Variants in HADHB observed in about 807,000 individuals in gnomAD.
HADHB encodes trifunctional enzyme subunit beta, mitochondrial.
A neutral mutation model predicts 61.9 loss-of-function variants in HADHB; 50 were observed. The observed-to-expected ratio is 0.81, with a 90% CI of 0.64 to 1.02. The LOEUF is 1.02. HADHB is among the 50% of genes least tolerant of loss of function. The probability of loss-of-function intolerance (pLI) is 0.00; values close to 1 mark genes in which losing one functional copy is unlikely to be tolerated. For missense variants in HADHB, 504 were observed against 586.5 expected, an observed-to-expected ratio of 0.86 and a Z score of 1.45; for synonymous variants, 191 against 201.6, an observed-to-expected ratio of 0.95 and a Z score of 0.45.
intron 3 of HADHB, among the ~76,000 whole-genome samples, chr2:26,256,624 T>C (rs1671623963): frequency 6.6e-6 from 1 of 152,088 alleles, no homozygotes; most frequent in Non-Finnish European, 1.5e-5. Context: ...TTTTAAAGAG[T>C]ATACAATGTA....
At chr2:26,252,189 A>G (rs1389102934) in intron 1 of HADHB, among the ~76,000 whole-genome samples, 1 of 152,204 alleles carries the variant, frequency 6.6e-6, no homozygotes, top group African/African-American at 2.4e-5. Flanking sequence ...TATCTCTTAT[A>G]GCCTATCTCA....
chr2:26,289,265 A>T (rs1006592135), intron 15 of HADHB, among the ~76,000 whole-genome samples: 5 of 152,216 alleles, frequency 3.3e-5, no homozygotes, highest in African/African-American at 1.2e-4. Flanking sequence ...ATAAATAAAA[A>T]AAATAAAAAA....
At chr2:26,254,220 G>A in intron 1 of HADHB, 27 bp from the exon 2 acceptor site, 1 of 995,264 alleles carries the variant, frequency 1.0e-6, no homozygotes, top group Non-Finnish European at 1.6e-6. Context: ...GCTAATCCAG[G>A]ATATACTTTT....
chr2:26,282,873 T>C lies in HADHB; in HGVS notation c.962T>C (p.Met321Thr), dbSNP rs750973091. 1.9e-6 allele frequency: 3 copies of C among 1,613,240 alleles called. No homozygotes were observed. The highest frequency in any genetic ancestry group is 2.2e-5 in the South Asian group (2 of 91,062). The stretch of plus-strand genomic sequence containing the variant: ...GATGGTGCATCTGCAATGTTAATCA[T>C]GGCGGAGGAAAAGGCTCTGGCCATG... ...LTDGASAMLI[M>T]AEEKALAMGY... The change falls in exon 11 of 16, where the codon ATG (methionine) becomes ACG (threonine). Residue 321 changes from methionine (M) to threonine (T), a missense_variant. Met to Thr is a moderately conservative substitution (Grantham distance 81). Coordinates refer to ENST00000317799, the MANE Select transcript of HADHB (RefSeq NM_000183.3).
chr2:26,266,291 A>C (rs1672073896), intron 4 of HADHB, among the ~76,000 whole-genome samples: 2 of 152,090 alleles, frequency 1.3e-5, no homozygotes, highest in Admixed American at 1.3e-4. Flanking sequence ...AAAAAAATTA[A>C]TAATAATAAC....
intron 6 of HADHB, among the ~76,000 whole-genome samples, chr2:26,275,017 T>C (rs895632225): frequency 2.0e-5 from 3 of 152,204 alleles, no homozygotes; most frequent in Non-Finnish European, 4.4e-5. Context: ...CAGCTATTGA[T>C]TGACAGGAGG....
chr2:26,284,032 T>G, intron 12 of HADHB, 85 bp from the exon 13 acceptor site: 1 of 761,664 alleles, frequency 1.3e-6, no homozygotes, highest in Non-Finnish European at 2.4e-6. Flanking sequence ...TTAGAGTACC[T>G]ATGTAAAACT....
chr2:26,284,290 ATGATG>A, intron 13 of HADHB, 86 bp downstream of exon 13: 1 of 817,748 alleles, frequency 1.2e-6, no homozygotes, highest in South Asian at 1.3e-5. Context: ...GGCATGGTTT[ATGATG>A]TGAGTAGAGC....
chr2:26,285,205 A>G (rs1672976240), intron 14 of HADHB, among the ~76,000 whole-genome samples: 1 of 152,172 alleles, frequency 6.6e-6, no homozygotes, highest in Admixed American at 6.5e-5. Context: ...TGTTCCTTGC[A>G]TTCTGACATT....
chr2:26,271,960 C>T (rs1349389201), intron 5 of HADHB, among the ~76,000 whole-genome samples: 4 of 152,076 alleles, frequency 2.6e-5, no homozygotes, highest in Admixed American at 2.0e-4. Flanking sequence ...CTCACTCTGT[C>T]CAAGGCTGGA....
intron 3 of HADHB, among the ~76,000 whole-genome samples, chr2:26,258,509 C>T (rs1574646093): frequency 6.6e-6 from 1 of 152,164 alleles, no homozygotes; most frequent in Non-Finnish European, 1.5e-5. Context: ...CTGGGTGCCT[C>T]GCTGGATCAG....
intron 5 of HADHB, among the ~76,000 whole-genome samples, chr2:26,273,341 T>C (rs1174573674): frequency 6.6e-6 from 1 of 152,144 alleles, no homozygotes; most frequent in South Asian, 2.1e-4. Context: ...ACTGCAAACT[T>C]TGGTTTCTAC....
intron 3 of HADHB, among the ~76,000 whole-genome samples, chr2:26,258,831 T>C (rs1671745200): frequency 6.6e-6 from 1 of 151,932 alleles, no homozygotes; most frequent in African/African-American, 2.4e-5. Flanking sequence ...TGAGTATTTC[T>C]TTACCTCCTG....
Position 26,269,201 on chromosome 2 carries a change from C to T in HADHB, c.210-752C>T, listed in dbSNP as rs151137721. Among the ~76,000 whole-genome samples the T allele has an allele frequency of 4.9e-3, 742 of 151,414 alleles. 9 individuals carry two copies. The highest frequency in any genetic ancestry group is 0.017 in the African/African-American group (714 of 41,284). ...AAAGAGGAACTCTGCTCTCTTTTTC[C>T]AATTCTTATTTATGTATTTACACAG... is the stretch of plus-strand genomic sequence containing the variant. On this transcript the variant is annotated intron_variant, in intron 4 of 15. Transcript: ENST00000317799.
chr2:26,285,541 C>A lies in HADHB; in HGVS notation c.1359C>A (p.Gly453=). The change falls in exon 15 of 16, where the codon GGC becomes GGA. Residue 453 remains glycine, a synonymous_variant. Coordinates refer to ENST00000317799, the MANE Select transcript of HADHB (RefSeq NM_000183.3). ...TACGGAAAGAAGGAGGCCAGTATGG[C>A]TTAGTGGCTGCGTGTGCAGCTGGAG... ...NRLRKEGGQY[G]LVAACAAGGQ... is the part of the protein sequence containing the mutation. 1.2e-6 allele frequency: 2 copies of A among 1,613,926 alleles called. No homozygotes were observed. The highest frequency in any genetic ancestry group is 1.7e-6 in the Non-Finnish European group (2 of 1,179,942).
rs758459657 is a variant in HADHB, at chr2:26,285,503, G to A, written c.1321G>A (p.Ala441Thr). ...CACTGGCTGCAGGTTGGTCATGGCT[G>A]CTGCCAACAGATTACGGAAAGAAGG... ...GATGCRLVMA[A>T]ANRLRKEGGQ... The change falls in exon 15 of 16, where the codon GCT (alanine) becomes ACT (threonine). Residue 441 changes from alanine to threonine, a missense_variant. Transcript: ENST00000317799. The A allele has an allele frequency of 9.9e-6, 16 of 1,613,860 alleles. No individual in the cohort carries two copies. Among genetic ancestry groups the A allele is most frequent in the Admixed American group, 1.7e-5 (1 of 59,986 alleles).
chr2:26,284,253 G>A, intron 13 of HADHB, 49 bp downstream of exon 13: 2 of 1,005,170 alleles, frequency 2.0e-6, no homozygotes, highest in African/African-American at 1.6e-5. Context: ...CATAAAAAAT[G>A]TCATCCATAT....
intron 3 of HADHB, among the ~76,000 whole-genome samples, chr2:26,255,441 G>T (rs1385588982): frequency 6.6e-6 from 1 of 151,278 alleles, no homozygotes; most frequent in Non-Finnish European, 1.5e-5. Flanking sequence ...GGAGCTTGCA[G>T]TGAGCCGAGG....
At chr2:26,256,344 T>C (rs1393064159) in intron 3 of HADHB, among the ~76,000 whole-genome samples, 1 of 152,206 alleles carries the variant, frequency 6.6e-6, no homozygotes, top group East Asian at 1.9e-4. Context: ...TTATAACTAA[T>C]TCCTCTTGAA....
Sources: gnomAD v4.1 joint callset for allele counts (sites outside exome capture counted in the v4.1 genomes callset) on GRCh38, gnomAD v4.1.1 for gene constraint, MANE v1.5 for transcripts, NCBI Gene and HGNC (gene_info 2026-07-23, HGNC 2026-07-21) for gene names.